CFH: variants seen among roughly 807,000 people sequenced by gnomAD.
The protein encoded by CFH is H factor 1 (complement).
CFH carries 53 observed loss-of-function variants against 147.3 expected under a neutral mutation model. The observed-to-expected ratio is 0.36, with a 90% CI of 0.29 to 0.45. CFH has a LOEUF of 0.45. Among genes scored for constraint, CFH ranks in the 20% least tolerant of loss-of-function variants. The pLI is 1.00. For missense variants in CFH, 1,380 were observed against 1,498.0 expected (o/e 0.92, Z 1.30); for synonymous variants, 536 against 489.4 (o/e 1.10, Z -1.26).
At position 196,743,452 on chromosome 1, in the gene CFH, A is replaced by T; in HGVS notation, c.3134A>T (p.Asp1045Val). ...AACCACTTCTTTTTTTTCTATTCAG[A>T]CACCTCCTGTGTGAATCCGCCCACA... is the stretch of plus-strand genomic sequence containing the variant. Reference protein sequence around the residue: ...SRWTGRPTCRDTSCVNPPTVQ... With the variant: ...SRWTGRPTCRVTSCVNPPTVQ... The change falls in exon 20 of 22, where the codon GAC becomes GTC. Residue 1045 changes from aspartate to valine, a missense_variant and splice_region_variant. Coordinates refer to ENST00000367429, the MANE Select transcript of CFH (RefSeq NM_000186.4). 1 of 1,613,416 alleles carries T rather than the reference A, an allele frequency of 6.2e-7. No individual in the cohort carries two copies.
At chr1:196,661,083 G>A (rs1194528358) in intron 1 of CFH, among the ~76,000 whole-genome samples, 4 of 152,106 alleles carry the variant, frequency 2.6e-5, no homozygotes, top group East Asian at 1.9e-4. Flanking sequence ...GGAAGGGGCC[G>A]GGGATTGTGT....
intron 11 of CFH, among the ~76,000 whole-genome samples, chr1:196,721,120 A>T (rs10922105): frequency 6.6e-6 from 1 of 151,030 alleles, no homozygotes; most frequent in African/African-American, 2.4e-5. Context: ...ATATCTCTTC[A>T]TATCCTTTGT....
chr1:196,713,259 A>G (rs1668766416), intron 9 of CFH, among the ~76,000 whole-genome samples: 1 of 152,148 alleles, frequency 6.6e-6, no homozygotes, highest in African/African-American at 2.4e-5. Flanking sequence ...GAAGCACACA[A>G]TAAGAATGAC....
chr1:196,660,054 G>C (rs1666849449), intron 1 of CFH, among the ~76,000 whole-genome samples: 1 of 152,168 alleles, frequency 6.6e-6, no homozygotes, highest in Non-Finnish European at 1.5e-5. Flanking sequence ...AGAGAAAATA[G>C]AGATGGGGAT....
intron 1 of CFH, among the ~76,000 whole-genome samples, chr1:196,654,053 C>G (rs1666594798): frequency 6.6e-6 from 1 of 152,084 alleles, no homozygotes; most frequent in Admixed American, 6.5e-5. Flanking sequence ...TTCTATTAAT[C>G]TACCATATCT....
At chr1:196,703,037 G>A (rs904889978) in intron 9 of CFH, among the ~76,000 whole-genome samples, 7 of 152,210 alleles carry the variant, frequency 4.6e-5, no homozygotes, top group African/African-American at 1.7e-4. Flanking sequence ...GTTACAAAAC[G>A]TAGCTGAGGC....
chr1:196,715,235 G>A (rs1027901131), intron 10 of CFH, among the ~76,000 whole-genome samples: 4 of 151,336 alleles, frequency 2.6e-5, no homozygotes, highest in African/African-American at 9.7e-5. Flanking sequence ...AATTAGTTTG[G>A]ACTCTTAATT....
At chr1:196,720,480 C>G (rs1668973162) in intron 11 of CFH, among the ~76,000 whole-genome samples, 1 of 151,904 alleles carries the variant, frequency 6.6e-6, no homozygotes, top group South Asian at 2.1e-4. Flanking sequence ...ACTCAGCACT[C>G]TCTGTCCATA....
chr1:196,713,373 T>C (rs755717808), intron 9 of CFH, among the ~76,000 whole-genome samples: 5 of 152,088 alleles, frequency 3.3e-5, no homozygotes, highest in Non-Finnish European at 7.4e-5. Context: ...AGATTTGGAA[T>C]TGCCAGAAGA....
chr1:196,677,361 A>G (rs964573987), intron 4 of CFH, 115 bp from the exon 5 acceptor site: 2 of 972,786 alleles, frequency 2.1e-6, no homozygotes, highest in Non-Finnish European at 3.1e-6. Context: ...TGCTTCTAAA[A>G]ATAATTTAAG....
At position 196,677,580 on chromosome 1, in the gene CFH, T is replaced by C. The variant is rs759386873; in HGVS notation, c.532T>C (p.Cys178Arg). The C allele has an allele frequency of 6.2e-7, 1 of 1,613,396 alleles. No homozygotes were observed. Among genetic ancestry groups the C allele is most frequent in the Non-Finnish European group, 8.5e-7 (1 of 1,179,524 alleles). Residue 178 changes from cysteine to arginine, a missense_variant, in exon 5 of 22, where the codon TGT (cysteine) becomes CGT (arginine). Physicochemically the swap from Cys to Arg is radical, Grantham distance 180. This residue lies in a region of CFH where 260 missense variants were observed against 263.3 expected (regional missense o/e 0.99). Transcript: ENST00000367429. ...YHFGQAVRFV[C>R]NSGYKIEGDE... ...TTTTGGACAAGCAGTACGGTTTGTA[T>C]GTAACTCAGGCTACAAGATTGAAGG...
In CFH at chr1:196,741,884, G is replaced by C; in HGVS notation, c.2966G>C (p.Cys989Ser). ...ATTTTTCCTATTTCAGAAACAGATT[G>C]TCTCAGTTTACCTAGCTTTGAAAAT... ...SHPPSCIKTDCLSLPSFENAI... is the reference protein window; with the variant it reads ...SHPPSCIKTDSLSLPSFENAI... The change falls in exon 19 of 22, where the codon TGT becomes TCT. Residue 989 changes from cysteine to serine, a missense_variant. This residue lies in a region of CFH where 830 missense variants were observed against 821.4 expected (regional missense o/e 1.01). Transcript: ENST00000367429. 6.2e-7 allele frequency: 1 copy of C among 1,613,942 alleles called. No individual in the cohort carries two copies.
At position 196,675,998 on chromosome 1, in the gene CFH, G is replaced by A. The variant is rs1359673375; in HGVS notation, c.360G>A (p.Leu120=). Residue 120 remains leucine, a synonymous_variant, in exon 4 of 22, where the codon TTG becomes TTA. Coordinates refer to ENST00000367429, the MANE Select transcript of CFH (RefSeq NM_000186.4). ...ATTTTTTGGTTTTCAGGTATCAATT[G>A]CTAGGTGAGATTAATTACCGTGAAT... ...AVYTCNEGYQ[L]LGEINYRECD... is the part of the protein sequence containing the mutation. 5.0e-6 allele frequency: 8 copies of A among 1,609,514 alleles called. No individual in the cohort carries two copies. The East Asian group carries it at 1.1e-4, about 23-fold the overall frequency.
chr1:196,726,924 A>G lies in CFH; in HGVS notation c.2220A>G (p.Gln740=), dbSNP rs971401932. The change falls in exon 14 of 22, where the codon CAA becomes CAG. Residue 740 remains glutamine, a synonymous_variant. Coordinates refer to ENST00000367429, the MANE Select transcript of CFH (RefSeq NM_000186.4). ...SITCIHGVWT[Q]LPQCVAIDKL... ...CGTGTATTCATGGAGTATGGACCCAACTTCCCCAGTGTGTGGGTGAGAATA... is the reference window on the plus strand; with the variant it reads ...CGTGTATTCATGGAGTATGGACCCAGCTTCCCCAGTGTGTGGGTGAGAATA... The G allele has an allele frequency of 1.2e-6, 2 of 1,613,402 alleles. No homozygotes were observed. The highest frequency in any genetic ancestry group is 1.7e-6 in the Non-Finnish European group (2 of 1,179,470).
rs1653058885 is a variant in CFH at position 196,747,487 on chromosome 1, T to C, written c.*174T>C. 1.1e-6 allele frequency: 1 copy of C among 892,020 alleles called. No individual in the cohort carries two copies. Among genetic ancestry groups the C allele is most frequent in the East Asian group, 2.7e-5 (1 of 37,652 alleles). 55.3% of individuals were successfully genotyped at this position (892,020 alleles called of 1,614,324 possible). On this transcript the variant is annotated 3_prime_UTR_variant, in exon 22 of 22. Transcript: ENST00000367429. ...GGCTCTCTTCTTAAAAGCACCATAT[T>C]AAATCCTGGAAAACTAACGGTTGTG...
rs563419414 is a variant in CFH at position 196,692,621 on chromosome 1, ATTC to A, written c.1336+2385_1336+2387del. On this transcript the variant is annotated intron_variant, in intron 9 of 21. Coordinates refer to ENST00000367429, the MANE Select transcript of CFH (RefSeq NM_000186.4). The stretch of plus-strand genomic sequence containing the variant: ...TTCCTTCTTTCTTTTTCTTTCTTTC[ATTC>A]TTTTTTCTTTCTTCCTTTCTTTGTC... 1.3e-4 allele frequency among the ~76,000 whole-genome samples: 5 copies of A among 39,640 alleles called. No homozygotes were observed. The East Asian group carries it at 1.5e-3, about 12-fold the overall frequency. The allele number at this position is 39,640 out of a possible 152,430, so 26.0% of individuals were successfully genotyped here.
rs749738686 is a variant in CFH, at chr1:196,740,797, G to A, written c.2956+5G>A. Reference sequence around the variant, plus strand: ...CTCACCCTCCATCATGCATAAGTATGGTGCATTGAATTTTATTATATGTAT... The same window carrying A: ...CTCACCCTCCATCATGCATAAGTATAGTGCATTGAATTTTATTATATGTAT... On this transcript the variant is annotated splice_donor_5th_base_variant and intron_variant, in intron 18 of 21. Coordinates refer to ENST00000367429, the MANE Select transcript of CFH (RefSeq NM_000186.4). The A allele has an allele frequency of 1.2e-6, 2 of 1,613,340 alleles. No homozygotes were observed. Among genetic ancestry groups the A allele is most frequent in the Non-Finnish European group, 1.7e-6 (2 of 1,179,444 alleles).
At chr1:196,696,174 A>G (rs1023743952) in intron 9 of CFH, among the ~76,000 whole-genome samples, 7 of 152,080 alleles carry the variant, frequency 4.6e-5, no homozygotes, top group African/African-American at 1.4e-4. Flanking sequence ...TTGGCACTAC[A>G]TAGCACTTAT....
chr1:196,659,890 C>T (rs990060919), intron 1 of CFH, among the ~76,000 whole-genome samples: 6 of 152,170 alleles, frequency 3.9e-5, no homozygotes, highest in Non-Finnish European at 7.4e-5. Flanking sequence ...AAGACCTAGA[C>T]ATTAATGAAA....
Sources: allele counts gnomAD v4.1 joint callset (sites outside exome capture counted in the v4.1 genomes callset), GRCh38; gene constraint gnomAD v4.1.1; regional missense constraint gnomAD v4.1.1; transcripts MANE v1.5; gene names NCBI Gene and HGNC (gene_info 2026-07-23, HGNC 2026-07-21).